Variants in ADARB2 observed in about 807,000 individuals in gnomAD.
ADARB2 encodes the protein adenosine deaminase RNA specific B2 (inactive).
Under a neutral mutation model 62.2 loss-of-function variants are expected in ADARB2, and 25 were observed. The observed-to-expected ratio is 0.40, with a 90% CI of 0.29 to 0.56. ADARB2 has a LOEUF of 0.56. Among genes scored for constraint, ADARB2 ranks in the 20% least tolerant of loss-of-function variants. The pLI is 0.43. For synonymous variants in ADARB2, 572 were observed against 500.8 expected, an observed-to-expected ratio of 1.14 and a Z score of -1.90; for missense variants, 1,071 against 1,077.4, an observed-to-expected ratio of 0.99 and a Z score of 0.08.
At position 1,708,823 on chromosome 10, in the gene ADARB2, A is replaced by G. The variant is rs371784145; in HGVS notation, c.100+28228T>C. Among the ~76,000 whole-genome samples the G allele has an allele frequency of 2.7e-4, 41 of 152,252 alleles. No homozygotes were observed. In the South Asian group the frequency reaches 8.5e-3, roughly 32 times the overall value. On this transcript the variant is annotated intron_variant, in intron 1 of 9. Transcript: ENST00000381312. ...TATGAAATCCTTTTTCCTTCTTTCT[A>G]CAGTCACTGCAGAATCCATCCTCCA...
chr10:1,713,527 C>T (rs920963115), intron 1 of ADARB2, among the ~76,000 whole-genome samples: 7 of 152,122 alleles, frequency 4.6e-5, no homozygotes, highest in Admixed American at 2.0e-4. Flanking sequence ...CACAGCAGGA[C>T]GGTGCTGCAA....
intron 4 of ADARB2, among the ~76,000 whole-genome samples, chr10:1,249,969 A>G (rs1186079462): frequency 6.6e-6 from 1 of 151,572 alleles, no homozygotes; most frequent in African/African-American, 2.4e-5. Context: ...CTCCATTTAT[A>G]ATGGCAGCAA....
chr10:1,232,007 T>G (rs1830808343), intron 6 of ADARB2, among the ~76,000 whole-genome samples: 1 of 152,162 alleles, frequency 6.6e-6, no homozygotes, highest in South Asian at 2.1e-4. Context: ...CCTTGGTAAT[T>G]AAACCACCAT....
At chr10:1,575,578 T>A (rs1159328432) in intron 1 of ADARB2, among the ~76,000 whole-genome samples, 1 of 152,226 alleles carries the variant, frequency 6.6e-6, no homozygotes, top group Non-Finnish European at 1.5e-5. Context: ...GACACATGCG[T>A]GCAGACGCTG....
intron 1 of ADARB2, among the ~76,000 whole-genome samples, chr10:1,472,490 C>G (rs113917652): frequency 0.018 from 2,812 of 152,268 alleles, 77 homozygotes; most frequent in African/African-American, 0.064. Context: ...GGGGTGTACC[C>G]AAGTGGACAC....
chr10:1,622,212 T>G (rs1288018386), intron 1 of ADARB2, among the ~76,000 whole-genome samples: 1 of 152,174 alleles, frequency 6.6e-6, no homozygotes, highest in African/African-American at 2.4e-5. Context: ...ACCACAGACC[T>G]AAAGACCCTA....
chr10:1,718,250 C>T (rs538811861), intron 1 of ADARB2, among the ~76,000 whole-genome samples: 94 of 152,262 alleles, frequency 6.2e-4, no homozygotes, highest in African/African-American at 2.2e-3. Context: ...TTTGGTCGTA[C>T]TTTTTTGATT....
At chr10:1,568,939 G>A (rs1034877207) in intron 1 of ADARB2, among the ~76,000 whole-genome samples, 2 of 152,128 alleles carry the variant, frequency 1.3e-5, no homozygotes, top group African/African-American at 4.8e-5. Flanking sequence ...GTTACGATTT[G>A]TATGATGACC....
chr10:1,231,924 T>A (rs541760478), intron 6 of ADARB2, among the ~76,000 whole-genome samples: 1 of 152,132 alleles, frequency 6.6e-6, no homozygotes, highest in Non-Finnish European at 1.5e-5. Context: ...CCCCACACCT[T>A]CTTGTCTTTG....
At chr10:1,594,652 G>A (rs967560241) in intron 1 of ADARB2, among the ~76,000 whole-genome samples, 1 of 152,146 alleles carries the variant, frequency 6.6e-6, no homozygotes, top group Non-Finnish European at 1.5e-5. Context: ...CCCACTCCTC[G>A]TTTTCTTGGC....
At chr10:1,256,438 G>A (rs1247313798) in intron 4 of ADARB2, among the ~76,000 whole-genome samples, 1 of 152,180 alleles carries the variant, frequency 6.6e-6, no homozygotes, top group Non-Finnish European at 1.5e-5. Context: ...GGCCTGAATG[G>A]CGCCTGCCAC....
At chr10:1,442,566 T>C (rs1157349278) in intron 1 of ADARB2, among the ~76,000 whole-genome samples, 1 of 152,210 alleles carries the variant, frequency 6.6e-6, no homozygotes, top group African/African-American at 2.4e-5. Context: ...AATGACAGTG[T>C]TATTCCAGGC....
At chr10:1,693,830 T>C (rs1286688313) in intron 1 of ADARB2, among the ~76,000 whole-genome samples, 1 of 152,222 alleles carries the variant, frequency 6.6e-6, no homozygotes, top group Non-Finnish European at 1.5e-5. Context: ...AATAATGATT[T>C]ATTGAAATTT....
chr10:1,351,520 A>G (rs1000667611), intron 3 of ADARB2, among the ~76,000 whole-genome samples: 1 of 151,856 alleles, frequency 6.6e-6, no homozygotes, highest in Non-Finnish European at 1.5e-5. Flanking sequence ...AGACACTTTA[A>G]ATTATCTGCT....
At chr10:1,737,023 A>G in intron 1 of ADARB2, 28 bp downstream of exon 1, 1 of 1,606,174 alleles carries the variant, frequency 6.2e-7, no homozygotes, top group Non-Finnish European at 8.5e-7. Context: ...GAAGGGGGGC[A>G]GGGGCCGGCG....
intron 1 of ADARB2, among the ~76,000 whole-genome samples, chr10:1,549,835 G>T (rs554207976): frequency 6.6e-5 from 10 of 152,204 alleles, no homozygotes; most frequent in African/African-American, 2.4e-4. Flanking sequence ...CTGCGATCCC[G>T]GAGAGACGGC....
At chr10:1,647,562 T>G (rs1564357409) in intron 1 of ADARB2, among the ~76,000 whole-genome samples, 1 of 152,176 alleles carries the variant, frequency 6.6e-6, no homozygotes, top group Non-Finnish European at 1.5e-5. Context: ...TGTATATATA[T>G]ATCTGCATGT....
chr10:1,482,459 A>C (rs1831486568), intron 1 of ADARB2, among the ~76,000 whole-genome samples: 1 of 152,202 alleles, frequency 6.6e-6, no homozygotes, highest in African/African-American at 2.4e-5. Context: ...TTCCACTTGC[A>C]TGAGGGACTG....
intron 1 of ADARB2, among the ~76,000 whole-genome samples, chr10:1,696,627 C>T (rs1456798108): frequency 1.3e-5 from 2 of 152,188 alleles, no homozygotes; most frequent in African/African-American, 4.8e-5. Context: ...CAGTGTCCAG[C>T]GGACCTGCCC....
Sources: allele counts gnomAD v4.1 joint callset (sites outside exome capture counted in the v4.1 genomes callset), GRCh38; gene constraint gnomAD v4.1.1; transcripts MANE v1.5; gene names NCBI Gene and HGNC (gene_info 2026-07-23, HGNC 2026-07-21).